BMERB1: variants seen among roughly 807,000 people sequenced by gnomAD.
BMERB1 encodes bMERB domain-containing protein 1.
A neutral mutation model predicts 23.6 loss-of-function variants in BMERB1; 12 were observed. The observed-to-expected ratio is 0.51, with a 90% CI of 0.33 to 0.82. The LOEUF (loss-of-function observed/expected upper bound fraction) is 0.82, where lower values mean the gene tolerates loss of function less well. BMERB1 is among the 40% of genes least tolerant of loss of function. BMERB1 has a pLI of 0.03. For synonymous variants in BMERB1, 122 were observed against 96.6 expected (o/e 1.26, Z -1.54); for missense variants, 247 against 255.4 (o/e 0.97, Z 0.22).
intron 1 of BMERB1, among the ~76,000 whole-genome samples, chr16:15,459,515 A>G (rs1371632596): frequency 2.0e-5 from 3 of 152,200 alleles, no homozygotes; most frequent in African/African-American, 7.2e-5. Context: ...AAGACAAAAA[A>G]TGTTACTAGA....
intron 1 of BMERB1, among the ~76,000 whole-genome samples, chr16:15,469,534 G>T (rs1020660905): frequency 1.3e-5 from 2 of 152,072 alleles, no homozygotes; most frequent in African/African-American, 4.8e-5. Context: ...TACCTTGCAG[G>T]GGTATTGATA....
At chr16:15,489,196 A>G (rs1324843502) in intron 1 of BMERB1, among the ~76,000 whole-genome samples, 1 of 152,130 alleles carries the variant, frequency 6.6e-6, no homozygotes, top group Non-Finnish European at 1.5e-5. Flanking sequence ...TAAATTTGCA[A>G]GTCCTGGGAG....
intron 2 of BMERB1, among the ~76,000 whole-genome samples, chr16:15,559,643 G>A (rs961591001): frequency 9.9e-5 from 15 of 152,174 alleles, no homozygotes; most frequent in East Asian, 3.8e-4. Flanking sequence ...TGCCTTAATG[G>A]CAGAACCCAT....
chr16:15,520,162 T>A (rs1165825336), intron 2 of BMERB1, among the ~76,000 whole-genome samples: 2 of 152,030 alleles, frequency 1.3e-5, no homozygotes, highest in Non-Finnish European at 2.9e-5. Flanking sequence ...GCAAAGTGAC[T>A]TGTTCGAGGT....
At chr16:15,566,471 A>G (rs2030566226) in intron 2 of BMERB1, among the ~76,000 whole-genome samples, 1 of 152,196 alleles carries the variant, frequency 6.6e-6, no homozygotes, top group African/African-American at 2.4e-5. Flanking sequence ...GAATAGGGGA[A>G]TAGTTAAATA....
intron 3 of BMERB1, among the ~76,000 whole-genome samples, chr16:15,576,774 G>A (rs138147921): frequency 2.6e-4 from 40 of 152,122 alleles, no homozygotes; most frequent in African/African-American, 9.2e-4. Context: ...GTTGACTGGG[G>A]TAAATACCCA....
chr16:15,470,469 G>A (rs1054902098), intron 1 of BMERB1, among the ~76,000 whole-genome samples: 1 of 151,792 alleles, frequency 6.6e-6, no homozygotes, highest in African/African-American at 2.4e-5. Context: ...CTCTGGTTGT[G>A]GTATGACGGT....
At chr16:15,437,812 G>A (rs2050901248) in intron 1 of BMERB1, among the ~76,000 whole-genome samples, 1 of 152,168 alleles carries the variant, frequency 6.6e-6, no homozygotes, top group Non-Finnish European at 1.5e-5. Flanking sequence ...CAAAAAATTA[G>A]CTGGGTGTGG....
intron 3 of BMERB1, among the ~76,000 whole-genome samples, chr16:15,572,328 G>A (rs757490030): frequency 1.3e-5 from 2 of 152,188 alleles, no homozygotes; most frequent in South Asian, 2.1e-4. Flanking sequence ...GGTAGTGTGC[G>A]CAATGACAGT....
intron 1 of BMERB1, among the ~76,000 whole-genome samples, chr16:15,492,362 C>T (rs910981962): frequency 6.6e-6 from 1 of 152,188 alleles, no homozygotes. Flanking sequence ...TTTTGCTCCA[C>T]CAGCAGGTGA....
chr16:15,548,663 C>A (rs1002492464), intron 2 of BMERB1, among the ~76,000 whole-genome samples: 2 of 152,224 alleles, frequency 1.3e-5, no homozygotes, highest in Non-Finnish European at 2.9e-5. Flanking sequence ...GGGCATCCAA[C>A]AGAGATTACT....
intron 1 of BMERB1, among the ~76,000 whole-genome samples, chr16:15,495,975 G>A (rs1267864438): frequency 2.0e-5 from 3 of 151,094 alleles, no homozygotes; most frequent in Non-Finnish European, 4.4e-5. Flanking sequence ...TGGTGGCAAT[G>A]ATGATGATAG....
chr16:15,491,006 G>A (rs903353824), intron 1 of BMERB1, among the ~76,000 whole-genome samples: 69 of 151,958 alleles, frequency 4.5e-4, no homozygotes, highest in African/African-American at 1.5e-3. Context: ...CACCATGCCC[G>A]GCTATTTTGG....
intron 2 of BMERB1, among the ~76,000 whole-genome samples, chr16:15,534,532 C>T (rs989049965): frequency 2.0e-5 from 3 of 151,814 alleles, no homozygotes; most frequent in Non-Finnish European, 4.4e-5. Context: ...CCAGCCTGGG[C>T]AAGAGAGTGA....
intron 2 of BMERB1, among the ~76,000 whole-genome samples, chr16:15,519,083 A>ACACACACACACACG (rs1230208667): frequency 2.0e-4 from 29 of 142,120 alleles, no homozygotes; most frequent in African/African-American, 8.9e-4. Context: ...TTACACACAC[A>ACACACACACACACG]CACACACACA....
At chr16:15,496,214 G>T (rs377179049) in intron 1 of BMERB1, among the ~76,000 whole-genome samples, 8 of 152,224 alleles carry the variant, frequency 5.3e-5, no homozygotes, top group African/African-American at 1.9e-4. Flanking sequence ...TGGTGATGGT[G>T]ATGGTAAAGA....
rs538704790 is a variant in BMERB1, at chr16:15,562,316, A to C, written c.231-5667A>C. 3.3e-5 allele frequency among the ~76,000 whole-genome samples: 5 copies of C among 151,786 alleles called. No individual in the cohort carries two copies. In the South Asian group the frequency reaches 6.2e-4, roughly 19 times the overall value. On this transcript the variant is annotated intron_variant, in intron 2 of 5. Transcript: ENST00000300006. ...AAAACTCTTTTTCAAAAAAAAAAAA[A>C]AAAACATAAATAAATAATTAAAAAT...
intron 3 of BMERB1, among the ~76,000 whole-genome samples, chr16:15,576,939 G>A (rs906673427): frequency 6.6e-6 from 1 of 152,212 alleles, no homozygotes; most frequent in Non-Finnish European, 1.5e-5. Flanking sequence ...ATTCCGGCCT[G>A]TGGCAGACTG....
In BMERB1 at chr16:15,512,012, CAAAAAAAAAAAA is replaced by C. The variant is rs57021793; in HGVS notation, c.107-3278_107-3267del. On this transcript the variant is annotated intron_variant, in intron 1 of 5. Transcript: ENST00000300006. ...TGGGCAACAGAGCAAGACTTGCTCTCAAAAAAAAAAAAAAAAAAAAAAAAAAGGGGGAATTGT... is the reference window on the plus strand; with the variant it reads ...TGGGCAACAGAGCAAGACTTGCTCTCAAAAAAAAAAAAAAGGGGGAATTGT... 4.6e-4 allele frequency among the ~76,000 whole-genome samples: 28 copies of C among 61,148 alleles called. 1 individual carries two copies. The Admixed American group carries it at 7.7e-3, about 17-fold the overall frequency. 40.1% of individuals were successfully genotyped at this position (61,148 alleles called of 152,430 possible).
Sources: gnomAD v4.1 joint callset for allele counts (sites outside exome capture counted in the v4.1 genomes callset) on GRCh38, gnomAD v4.1.1 for gene constraint, MANE v1.5 for transcripts, NCBI Gene and HGNC (gene_info 2026-07-23, HGNC 2026-07-21) for gene names.